Variants in CCER2 observed in about 807,000 individuals in gnomAD.
The protein encoded by CCER2 is coiled-coil glutamate rich protein 2, also known as coiled-coil domain-containing glutamate-rich protein 2.
Under a neutral mutation model 27.1 loss-of-function variants are expected in CCER2, and 20 were observed. The observed-to-expected ratio is 0.74, with a 90% CI of 0.52 to 1.07. The LOEUF is 1.07. Ranked by LOEUF, CCER2 falls within the 50% of genes least tolerant of loss-of-function variation. The pLI, the probability that CCER2 is intolerant of heterozygous loss-of-function variation, is 0.00. For synonymous variants in CCER2, 140 were observed against 144.3 expected (o/e 0.97, Z 0.21); for missense variants, 351 against 344.7 (o/e 1.02, Z -0.14).
At chr19:38,911,445 G>A in intron 3 of CCER2, 121 bp downstream of exon 3, 1 of 827,940 alleles carries the variant, frequency 1.2e-6, no homozygotes, top group Non-Finnish European at 1.9e-6. Flanking sequence ...TGGGAATGAG[G>A]ACCTCTTCCT....
Position 38,910,824 on chromosome 19 carries a change from G to C in CCER2, c.450C>G (p.Thr150=). 6.5e-7 allele frequency: 1 copy of C among 1,532,376 alleles called. No individual in the cohort carries two copies. Among genetic ancestry groups the C allele is most frequent in the South Asian group, 1.2e-5 (1 of 83,372 alleles). The allele number at this position is 1,532,376 out of a possible 1,614,324, so 94.9% of individuals were successfully genotyped here. A position where few individuals can be genotyped will look rare whatever the true frequency, so the allele number is the denominator to read the frequency against. The change falls in exon 4 of 5, where the codon ACC becomes ACG. Residue 150 remains threonine (T), a synonymous_variant. Coordinates refer to ENST00000571838, the MANE Select transcript of CCER2 (RefSeq NM_001243212.2). ...GATGCCGCTGCCACAGGTCCTCAAA[G>C]GTCTCCATGGGCCCCCTCTTCCTCT... ...KEERKRGPME[T]FEDLWQRHLE...
In CCER2 at chr19:38,910,550, T is replaced by C; in HGVS notation, c.711+13A>G. On this transcript the variant is annotated intron_variant, in intron 4 of 4. Transcript: ENST00000571838. ...AAACTGTGTTGGTGTTCCTCCTTCA[T>C]CCCCCTACTCACCTCCCTCTCCGAA... is the stretch of plus-strand genomic sequence containing the variant. The C allele has an allele frequency of 6.9e-7, 1 of 1,456,004 alleles. No homozygotes were observed. The highest frequency in any genetic ancestry group is 9.0e-7 in the Non-Finnish European group (1 of 1,105,318). 90.2% of individuals were successfully genotyped at this position (1,456,004 alleles called of 1,614,324 possible). A position where few individuals can be genotyped will look rare whatever the true frequency, so the allele number is the denominator to read the frequency against.
Position 38,910,835 on chromosome 19 carries a change from G to GC in CCER2, c.438dup (p.Pro147AlafsTer6). 1 of 1,530,038 alleles carries GC rather than the reference G, an allele frequency of 6.5e-7. No individual in the cohort carries two copies. Among genetic ancestry groups the GC allele is most frequent in the Non-Finnish European group, 8.7e-7 (1 of 1,143,722 alleles). The allele number at this position is 1,530,038 out of a possible 1,614,324, so 94.8% of individuals were successfully genotyped here. A position where few individuals can be genotyped will look rare whatever the true frequency, so the allele number is the denominator to read the frequency against. On this transcript the variant is annotated frameshift_variant, in exon 4 of 5. Coordinates refer to ENST00000571838, the MANE Select transcript of CCER2 (RefSeq NM_001243212.2). LOFTEE classifies it high-confidence loss of function. ...CACAGGTCCTCAAAGGTCTCCATGGGCCCCCTCTTCCTCTCCTCCTTCTCC... is the reference window on the plus strand; with the variant it reads ...CACAGGTCCTCAAAGGTCTCCATGGGCCCCCCTCTTCCTCTCCTCCTTCTCC...
Position 38,910,952 on chromosome 19 carries a change from C to T in CCER2, c.322G>A (p.Val108Ile). 1 of 1,520,840 alleles carries T rather than the reference C, an allele frequency of 6.6e-7. No individual in the cohort carries two copies. Among genetic ancestry groups the T allele is most frequent in the Non-Finnish European group, 8.8e-7 (1 of 1,139,350 alleles). The allele number at this position is 1,520,840 out of a possible 1,614,324, so 94.2% of individuals were successfully genotyped here. The change falls in exon 4 of 5, where the codon GTA (valine) becomes ATA (isoleucine). Residue 108 changes from valine to isoleucine, a missense_variant. Transcript: ENST00000571838. ...QEVRDEEEEE[V>I]AERTHKSEVQ... ...TCAGACTTGTGGGTCCTCTCTGCTA[C>T]CTCCTCCTCTTCCTCATCCCTCACC...
At position 38,910,637 on chromosome 19, in the gene CCER2, G is replaced by A. The variant is rs1780583585; in HGVS notation, c.637C>T (p.Pro213Ser). Reference protein sequence around the residue: ...RGGGERREDLPHHHHHHHQPE... With the variant: ...RGGGERREDLSHHHHHHHQPE... ...TGGTGGTGGTGGTGGTGGTGGTGGGGCAAGTCCTCGCGCCTCTCTCCTCCG... is the reference window on the plus strand; with the variant it reads ...TGGTGGTGGTGGTGGTGGTGGTGGGACAAGTCCTCGCGCCTCTCTCCTCCG... Residue 213 changes from proline to serine, a missense_variant, in exon 4 of 5, where the codon CCC becomes TCC. By Grantham distance (74) the Pro-to-Ser change is moderately conservative. Coordinates refer to ENST00000571838, the MANE Select transcript of CCER2 (RefSeq NM_001243212.2). 1.3e-6 allele frequency: 2 copies of A among 1,528,846 alleles called. No individual in the cohort carries two copies. The highest frequency in any genetic ancestry group is 1.8e-6 in the Non-Finnish European group (2 of 1,142,784). 94.7% of individuals were successfully genotyped at this position (1,528,846 alleles called of 1,614,324 possible). A position where few individuals can be genotyped will look rare whatever the true frequency, so the allele number is the denominator to read the frequency against.
At position 38,910,576 on chromosome 19, in the gene CCER2, G is replaced by T. The variant is rs1244963446; in HGVS notation, c.698C>A (p.Ala233Asp). ...CCCCCTACTCACCTCCCTCTCCGAAGCCTCCTCCTTCTCCTGCCTGGGCTC... is the reference window on the plus strand; with the variant it reads ...CCCCCTACTCACCTCCCTCTCCGAATCCTCCTCCTTCTCCTGCCTGGGCTC... ...EAEPRQEKEE[A>D]SEREEKEVEQ... The change falls in exon 4 of 5, where the codon GCT (alanine) becomes GAT (aspartate). Residue 233 changes from alanine (A) to aspartate (D), a missense_variant. Transcript: ENST00000571838. 2.7e-6 allele frequency: 4 copies of T among 1,485,854 alleles called. No homozygotes were observed. In the Admixed American group the frequency reaches 8.9e-5, roughly 33 times the overall value. 92.0% of individuals were successfully genotyped at this position (1,485,854 alleles called of 1,614,324 possible). A position where few individuals can be genotyped will look rare whatever the true frequency, so the allele number is the denominator to read the frequency against.
At chr19:38,911,162 C>G in intron 3 of CCER2, 79 bp from the exon 4 acceptor site, 1 of 1,359,028 alleles carries the variant, frequency 7.4e-7, no homozygotes, top group Admixed American at 3.0e-5. Context: ...CGCCTGTAAT[C>G]TCAGCACTTT....
In CCER2 at chr19:38,911,552, C is replaced by T. The variant is rs577069707; in HGVS notation, c.190+14G>A. Reference sequence around the variant, plus strand: ...GGGGTTGTGGAGGGCAAGTGGGGCCCGGGGCCTCCTTACCCTTGTGGAGAA... The same window carrying T: ...GGGGTTGTGGAGGGCAAGTGGGGCCTGGGGCCTCCTTACCCTTGTGGAGAA... On this transcript the variant is annotated intron_variant, in intron 3 of 4. Transcript: ENST00000571838. The T allele has an allele frequency of 2.3e-4, 359 of 1,534,688 alleles. 1 individual carries two copies. The highest frequency in any genetic ancestry group is 6.2e-4 in the African/African-American group (45 of 73,122).
At chr19:38,912,003 A>G in intron 1 of CCER2, 95 bp downstream of exon 1, 1 of 1,483,404 alleles carries the variant, frequency 6.7e-7, no homozygotes, top group Non-Finnish European at 9.0e-7. Flanking sequence ...CGGCCCCTGA[A>G]GCCTCTCCAC....
chr19:38,910,673 C>T lies in CCER2; in HGVS notation c.601G>A (p.Ala201Thr). The change falls in exon 4 of 5, where the codon GCC becomes ACC. Residue 201 changes from alanine to threonine, a missense_variant. Coordinates refer to ENST00000571838, the MANE Select transcript of CCER2 (RefSeq NM_001243212.2). ...LGGDRSLWQGAERGGGERRED... is the reference protein window; with the variant it reads ...LGGDRSLWQGTERGGGERRED... ...CGCCTCTCTCCTCCGCCTCTCTCGG[C>T]CCCCTGCCACAGGCTGCGGTCCCCG... The T allele has an allele frequency of 6.5e-7, 1 of 1,533,300 alleles. No homozygotes were observed. The highest frequency in any genetic ancestry group is 8.7e-7 in the Non-Finnish European group (1 of 1,145,520). 95.0% of individuals were successfully genotyped at this position (1,533,300 alleles called of 1,614,324 possible). A position where few individuals can be genotyped will look rare whatever the true frequency, so the allele number is the denominator to read the frequency against.
At position 38,910,718 on chromosome 19, in the gene CCER2, TCTC is replaced by T; in HGVS notation, c.553_555del (p.Glu185del). The T allele has an allele frequency of 1.3e-6, 2 of 1,532,582 alleles. No homozygotes were observed. The highest frequency in any genetic ancestry group is 1.2e-5 in the South Asian group (1 of 83,590). The allele number at this position is 1,532,582 out of a possible 1,614,324, so 94.9% of individuals were successfully genotyped here. ...TCCCCGCCCAGCACCCGCACCCCCT[TCTC>T]CTCTGCCTGGAACTGGGCCGTCTCT... On this transcript the variant is annotated inframe_deletion, in exon 4 of 5. Coordinates refer to ENST00000571838, the MANE Select transcript of CCER2 (RefSeq NM_001243212.2).
chr19:38,910,995 C>T lies in CCER2; in HGVS notation c.279G>A (p.Lys93=), dbSNP rs973817077. The T allele has an allele frequency of 1.3e-5, 19 of 1,502,840 alleles. No individual in the cohort carries two copies. The highest frequency in any genetic ancestry group is 2.6e-6 in the Non-Finnish European group (3 of 1,132,758). The allele number at this position is 1,502,840 out of a possible 1,614,324, so 93.1% of individuals were successfully genotyped here. A position where few individuals can be genotyped will look rare whatever the true frequency, so the allele number is the denominator to read the frequency against. The change falls in exon 4 of 5, where the codon AAG becomes AAA. Residue 93 remains lysine (K), a synonymous_variant. Transcript: ENST00000571838. ...LGDFKKQEAG[K]MRSSQEVRDE... is the part of the protein sequence containing the mutation. ...CCCTCACCTCCTGGCTGGACCTCAT[C>T]TTCCCAGCCTCCTGCTTCTTGAAAT...
In CCER2 at chr19:38,911,082, C is replaced by G. The variant is rs375222589; in HGVS notation, c.192G>C (p.Glu64Asp). 1.1e-3 allele frequency: 1,491 copies of G among 1,417,834 alleles called. 6 individuals carry two copies. In the East Asian group the frequency reaches 0.013, roughly 12 times the overall value. 87.8% of individuals were successfully genotyped at this position (1,417,834 alleles called of 1,614,324 possible). ...RGPCTALLHK[E>D]LCGTEPHGCA... Reference sequence around the variant, plus strand: ...AGCCGTGGGGCTCTGTCCCGCACAACTCTGGCAGAAAGGGAAAGGACACTC... The same window carrying G: ...AGCCGTGGGGCTCTGTCCCGCACAAGTCTGGCAGAAAGGGAAAGGACACTC... Residue 64 changes from glutamate (E) to aspartate (D), a missense_variant and splice_region_variant, in exon 4 of 5, where the codon GAG becomes GAC. Coordinates refer to ENST00000571838, the MANE Select transcript of CCER2 (RefSeq NM_001243212.2).
At chr19:38,912,055 CCGG>C in intron 1 of CCER2, 40 bp downstream of exon 1, 1 of 1,519,908 alleles carries the variant, frequency 6.6e-7, no homozygotes, top group South Asian at 1.2e-5. Flanking sequence ...TCCCCGCTCC[CCGG>C]CCCCTGGCAG....
rs1974297286 is a variant in CCER2 at position 38,910,994 on chromosome 19, T to A, written c.280A>T (p.Met94Leu). 2 of 1,505,208 alleles carry A rather than the reference T, an allele frequency of 1.3e-6. No individual in the cohort carries two copies. The highest frequency in any genetic ancestry group is 8.8e-7 in the Non-Finnish European group (1 of 1,133,378). The allele number at this position is 1,505,208 out of a possible 1,614,324, so 93.2% of individuals were successfully genotyped here. ...GDFKKQEAGK[M>L]RSSQEVRDEE... The stretch of plus-strand genomic sequence containing the variant: ...TCCCTCACCTCCTGGCTGGACCTCA[T>A]CTTCCCAGCCTCCTGCTTCTTGAAA... Residue 94 changes from methionine (M) to leucine (L), a missense_variant, in exon 4 of 5, where the codon ATG (methionine) becomes TTG (leucine). Coordinates refer to ENST00000571838, the MANE Select transcript of CCER2 (RefSeq NM_001243212.2).
chr19:38,910,835 G>T lies in CCER2; in HGVS notation c.439C>A (p.Pro147Thr). 1 of 1,530,038 alleles carries T rather than the reference G, an allele frequency of 6.5e-7. No homozygotes were observed. Among genetic ancestry groups the T allele is most frequent in the Non-Finnish European group, 8.7e-7 (1 of 1,143,722 alleles). 94.8% of individuals were successfully genotyped at this position (1,530,038 alleles called of 1,614,324 possible). The change falls in exon 4 of 5, where the codon CCC (proline) becomes ACC (threonine). Residue 147 changes from proline to threonine, a missense_variant. Pro to Thr is a conservative substitution (Grantham distance 38, BLOSUM62 -1). Coordinates refer to ENST00000571838, the MANE Select transcript of CCER2 (RefSeq NM_001243212.2). ...CACAGGTCCTCAAAGGTCTCCATGG[G>T]CCCCCTCTTCCTCTCCTCCTTCTCC... ...EEEKEERKRGPMETFEDLWQR... is the reference protein window; with the variant it reads ...EEEKEERKRGTMETFEDLWQR...
In CCER2 at chr19:38,910,916, G is replaced by A. The variant is rs1190263256; in HGVS notation, c.358C>T (p.Gln120Ter). 1 of 1,517,686 alleles carries A rather than the reference G, an allele frequency of 6.6e-7. No homozygotes were observed. Among genetic ancestry groups the A allele is most frequent in the Non-Finnish European group, 8.8e-7 (1 of 1,137,652 alleles). The allele number at this position is 1,517,686 out of a possible 1,614,324, so 94.0% of individuals were successfully genotyped here. A position where few individuals can be genotyped will look rare whatever the true frequency, so the allele number is the denominator to read the frequency against. ...CGATGCCCTTGCATGCGGATGGCTTGTTCCTGGACCTCAGACTTGTGGGTC... is the reference window on the plus strand; with the variant it reads ...CGATGCCCTTGCATGCGGATGGCTTATTCCTGGACCTCAGACTTGTGGGTC... ...ERTHKSEVQE[Q>*]AIRMQGHRQL... Residue 120 changes from glutamine to a stop codon, truncating the protein, a stop_gained, in exon 4 of 5, where the codon CAA (glutamine) becomes TAA (stop). Transcript: ENST00000571838. LOFTEE classifies it high-confidence loss of function.
In CCER2 at chr19:38,909,322, T is replaced by C. The variant is rs373761698; in HGVS notation, c.715A>G (p.Lys239Glu). 1 of 1,535,442 alleles carries C rather than the reference T, an allele frequency of 6.5e-7. No individual in the cohort carries two copies. ...EKEEASEREE[K>E]EVEQLEHLRD... ...AAGTGCTCCAGCTGCTCCACCTCCT[T>C]TTCCTGGTGGGGTCAGAAACGGGGT... The change falls in exon 5 of 5, where the codon AAG becomes GAG. Residue 239 changes from lysine (K) to glutamate (E), a missense_variant. Coordinates refer to ENST00000571838, the MANE Select transcript of CCER2 (RefSeq NM_001243212.2).
chr19:38,911,746 G>A, intron 2 of CCER2, 66 bp downstream of exon 2: 1 of 1,525,634 alleles, frequency 6.6e-7, no homozygotes, highest in Non-Finnish European at 8.8e-7. Flanking sequence ...GGATCATGGG[G>A]CAGGCTGTGC....
Sources: allele counts gnomAD v4.1 joint callset, GRCh38; gene constraint gnomAD v4.1.1; transcripts MANE v1.5; gene names NCBI Gene and HGNC (gene_info 2026-07-23, HGNC 2026-07-21).